Variants in MPDZ observed in about 807,000 individuals in gnomAD.
MPDZ encodes multiple PDZ domain crumbs cell polarity complex component.
A neutral mutation model predicts 239.1 loss-of-function variants in MPDZ; 234 were observed. The observed-to-expected ratio is 0.98, with a 90% CI of 0.88 to 1.09. MPDZ has a LOEUF of 1.09. Among genes scored for constraint, MPDZ ranks in the 50% least tolerant of loss-of-function variants. MPDZ has a pLI of 0.00. For synonymous variants in MPDZ, 1,048 were observed against 881.3 expected (o/e 1.19, Z -3.35); for missense variants, 3,175 against 2,510.0 (o/e 1.26, Z -5.66).
At chr9:13,259,210 C>T (rs1328698649) in intron 1 of MPDZ, among the ~76,000 whole-genome samples, 1 of 151,902 alleles carries the variant, frequency 6.6e-6, no homozygotes, top group Non-Finnish European at 1.5e-5. Flanking sequence ...CCGCTGGATA[C>T]ATTAGGCTTC....
intron 24 of MPDZ, among the ~76,000 whole-genome samples, chr9:13,153,821 TAAAAA>T (rs1563917656): frequency 6.6e-6 from 1 of 151,852 alleles, no homozygotes; most frequent in Non-Finnish European, 1.5e-5. Context: ...TAAAATAAAA[TAAAAA>T]AGAAAGAAGG....
At chr9:13,151,000 T>A (rs1949092756) in intron 24 of MPDZ, among the ~76,000 whole-genome samples, 1 of 151,974 alleles carries the variant, frequency 6.6e-6, no homozygotes, top group Non-Finnish European at 1.5e-5. Flanking sequence ...GTATAAAACA[T>A]GGGCAAGTGT....
chr9:13,162,383 T>C (rs1950590679), intron 23 of MPDZ, among the ~76,000 whole-genome samples: 1 of 152,078 alleles, frequency 6.6e-6, no homozygotes, highest in South Asian at 2.1e-4. Context: ...TTTCTTACGT[T>C]CTAAGAAATT....
chr9:13,258,829 A>G (rs1444209973), intron 1 of MPDZ, among the ~76,000 whole-genome samples: 1 of 152,202 alleles, frequency 6.6e-6, no homozygotes, highest in African/African-American at 2.4e-5. Flanking sequence ...AGATTAATTC[A>G]ATTTTGCCCA....
chr9:13,279,373 CTG>C, intron 1 of MPDZ, 25 bp downstream of exon 1: 1 of 144,670 alleles, frequency 6.9e-6, no homozygotes, highest in South Asian at 2.1e-4. Flanking sequence ...GCCTCGGCCT[CTG>C]GGCCGGGGCT....
At chr9:13,157,328 C>T (rs1949945134) in intron 24 of MPDZ, among the ~76,000 whole-genome samples, 1 of 152,082 alleles carries the variant, frequency 6.6e-6, no homozygotes, top group African/African-American at 2.4e-5. Flanking sequence ...TACATCTTGC[C>T]CAGCCAAGTA....
chr9:13,177,875 T>C (rs949836802), intron 19 of MPDZ, among the ~76,000 whole-genome samples: 3 of 152,196 alleles, frequency 2.0e-5, no homozygotes, highest in Non-Finnish European at 2.9e-5. Context: ...TGTTAGCTAC[T>C]GCTGTTATTT....
chr9:13,191,653 G>C (rs555460767), intron 15 of MPDZ, among the ~76,000 whole-genome samples: 6 of 152,114 alleles, frequency 3.9e-5, no homozygotes, highest in African/African-American at 1.2e-4. Flanking sequence ...CATTCACTAA[G>C]TGGTAACTGT....
intron 10 of MPDZ, among the ~76,000 whole-genome samples, chr9:13,214,619 G>C (rs372623864): frequency 6.6e-6 from 1 of 151,906 alleles, no homozygotes; most frequent in East Asian, 1.9e-4. Context: ...TTTTCTAATT[G>C]ATTAATATAG....
At position 13,161,496 on chromosome 9, in the gene MPDZ, G is replaced by A. The variant is rs12377022; in HGVS notation, c.3359+1195C>T. 7.5e-3 allele frequency among the ~76,000 whole-genome samples: 1,145 copies of A among 152,098 alleles called. 9 individuals carry two copies. The highest frequency in any genetic ancestry group is 0.018 in the African/African-American group (753 of 41,510). ...CGAGGCAGAAGAATCACTTGAACCCGGGAGGCAGAGGTCTCAGTAAGCCAA... is the reference window on the plus strand; with the variant it reads ...CGAGGCAGAAGAATCACTTGAACCCAGGAGGCAGAGGTCTCAGTAAGCCAA... On this transcript the variant is annotated intron_variant, in intron 23 of 46. Transcript: ENST00000319217.
chr9:13,191,293 A>G (rs527686693), intron 15 of MPDZ, among the ~76,000 whole-genome samples: 2 of 152,250 alleles, frequency 1.3e-5, no homozygotes, highest in Admixed American at 6.5e-5. Flanking sequence ...AAATTTTCCA[A>G]ATTATTCCAT....
intron 3 of MPDZ, among the ~76,000 whole-genome samples, chr9:13,240,664 T>C (rs1261374043): frequency 1.4e-5 from 2 of 146,288 alleles, no homozygotes; most frequent in Non-Finnish European, 1.5e-5. Flanking sequence ...CAATGAATAA[T>C]TGTGTGGGTC....
At chr9:13,238,040 A>G (rs968110251) in intron 3 of MPDZ, among the ~76,000 whole-genome samples, 17 of 152,218 alleles carry the variant, frequency 1.1e-4, no homozygotes, top group African/African-American at 4.1e-4. Flanking sequence ...AGAAGAAATT[A>G]CTTAGGCAGA....
chr9:13,178,862 T>C (rs1952876781), intron 19 of MPDZ, among the ~76,000 whole-genome samples: 3 of 152,304 alleles, frequency 2.0e-5, no homozygotes, highest in Admixed American at 6.5e-5. Flanking sequence ...TCTTGTGCTT[T>C]TGCGTTTTAT....
At chr9:13,150,750 C>T (rs1949056653) in intron 24 of MPDZ, 62 bp from the exon 25 acceptor site, 1 of 1,135,818 alleles carries the variant, frequency 8.8e-7, no homozygotes, top group East Asian at 3.2e-5. Flanking sequence ...CTTCATGATG[C>T]TGAATTTGGC....
rs775667134 is a variant in MPDZ, at chr9:13,162,788, A to G, written c.3262T>C (p.Tyr1088His). The G allele has an allele frequency of 7.5e-6, 12 of 1,609,372 alleles. No homozygotes were observed. Among genetic ancestry groups the G allele is most frequent in the Non-Finnish European group, 1.0e-5 (12 of 1,176,928 alleles). ...SLIGPDIKIT[Y>H]VPAEHLEEFK... ...TCTTCCAAATGTTCTGCAGGCACAT[A>G]AGTAATTCTGGAACAAACCAGAATC... The change falls in exon 23 of 47, where the codon TAT becomes CAT. Residue 1088 changes from tyrosine to histidine, a missense_variant. Transcript: ENST00000319217.
At chr9:13,276,506 T>G (rs749407384) in intron 1 of MPDZ, 1 of 152,194 alleles carries the variant, frequency 6.6e-6, no homozygotes, top group Non-Finnish European at 1.5e-5. Context: ...AAATCCTACT[T>G]TAGGCCAAAT....
At chr9:13,108,655 GA>G (rs992252893) in intron 46 of MPDZ, among the ~76,000 whole-genome samples, 3 of 150,190 alleles carry the variant, frequency 2.0e-5, no homozygotes, top group South Asian at 2.1e-4. Flanking sequence ...TGTGTTCAAA[GA>G]AAAAAAAATA....
At chr9:13,274,244 A>T (rs1973660600) in intron 1 of MPDZ, among the ~76,000 whole-genome samples, 1 of 150,982 alleles carries the variant, frequency 6.6e-6, no homozygotes, top group African/African-American at 2.4e-5. Context: ...AACAACATTA[A>T]GTTTTTTCTT....
Sources: gnomAD v4.1 joint callset for allele counts (sites outside exome capture counted in the v4.1 genomes callset) on GRCh38, gnomAD v4.1.1 for gene constraint, MANE v1.5 for transcripts, NCBI Gene and HGNC (gene_info 2026-07-23, HGNC 2026-07-21) for gene names.